The following N4BP1 variants were observed in gnomAD, a reference collection of about 807,000 sequenced individuals.
The protein encoded by N4BP1 is NEDD4 binding protein 1.
In N4BP1, 21 loss-of-function variants were observed where a neutral mutation model predicts 70.9. The ratio of observed to expected loss-of-function variants is 0.30; its 90% CI spans 0.21 to 0.43. The LOEUF is 0.43. Among genes scored for constraint, N4BP1 ranks in the 20% least tolerant of loss-of-function variants. The pLI is 1.00. For missense variants in N4BP1, 936 were observed against 1,069.4 expected (o/e 0.88, Z 1.74); for synonymous variants, 387 against 394.6 (o/e 0.98, Z 0.23).
Position 48,609,921 on chromosome 16 carries a change from C to G in N4BP1, c.52G>C (p.Glu18Gln), listed in dbSNP as rs1265334921. 1 of 1,438,710 alleles carries G rather than the reference C, an allele frequency of 7.0e-7. No individual in the cohort carries two copies. Among genetic ancestry groups the G allele is most frequent in the Non-Finnish European group, 9.2e-7 (1 of 1,092,046 alleles). 89.1% of individuals were successfully genotyped at this position (1,438,710 alleles called of 1,614,324 possible). A position where few individuals can be genotyped will look rare whatever the true frequency, so the allele number is the denominator to read the frequency against. ...DEFTAPAEKAELLEQSRGRIE... is the reference protein window; with the variant it reads ...DEFTAPAEKAQLLEQSRGRIE... The stretch of plus-strand genomic sequence containing the variant: ...CGGCCGCGGCTCTGCTCCAGCAGCT[C>G]CGCCTTCTCAGCTGGCGCAGTGAAC... The change falls in exon 1 of 7, where the codon GAG becomes CAG. Residue 18 changes from glutamate to glutamine, a missense_variant. By Grantham distance (29) the Glu-to-Gln change is conservative. Transcript: ENST00000262384.
chr16:48,576,053 A>T (rs1175629799), intron 1 of N4BP1, among the ~76,000 whole-genome samples: 2 of 151,586 alleles, frequency 1.3e-5, no homozygotes, highest in African/African-American at 4.8e-5. Flanking sequence ...TTTTTTTAGG[A>T]GACTCTTTCA....
chr16:48,562,506 T>C, intron 1 of N4BP1, 62 bp from the exon 2 acceptor site: 2 of 1,350,540 alleles, frequency 1.5e-6, no homozygotes, highest in Non-Finnish European at 2.0e-6. Context: ...ACATAATAAA[T>C]TACCATGTAA....
intron 1 of N4BP1, among the ~76,000 whole-genome samples, chr16:48,584,754 T>C (rs1240392213): frequency 6.6e-6 from 1 of 151,900 alleles, no homozygotes; most frequent in Non-Finnish European, 1.5e-5. Context: ...TCTTAAAAAA[T>C]AACAACAAAT....
chr16:48,609,334 GA>G (rs1451340273), intron 1 of N4BP1, among the ~76,000 whole-genome samples: 2 of 152,182 alleles, frequency 1.3e-5, no homozygotes, highest in African/African-American at 4.8e-5. Flanking sequence ...AAAAGGCTCA[GA>G]ACTGCAGTAG....
intron 1 of N4BP1, among the ~76,000 whole-genome samples, chr16:48,587,705 C>T (rs990857600): frequency 2.6e-5 from 4 of 152,174 alleles, no homozygotes; most frequent in Non-Finnish European, 4.4e-5. Context: ...CAGGCCATAT[C>T]TGGAATTACA....
intron 6 of N4BP1, among the ~76,000 whole-genome samples, chr16:48,544,429 T>C (rs1963561087): frequency 6.6e-6 from 1 of 152,188 alleles, no homozygotes; most frequent in Non-Finnish European, 1.5e-5. Context: ...GAGAGCTGTG[T>C]GTCTTCCTCT....
Position 48,542,802 on chromosome 16 carries a change from G to T in N4BP1, c.*102C>A. ...TTCTGTACAACTGCGTTTACACTGGGAAATAAGTTTCTTCACATTATGTTC... is the reference window on the plus strand; with the variant it reads ...TTCTGTACAACTGCGTTTACACTGGTAAATAAGTTTCTTCACATTATGTTC... On this transcript the variant is annotated 3_prime_UTR_variant, in exon 7 of 7. Transcript: ENST00000262384. The T allele has an allele frequency of 9.0e-7, 1 of 1,109,106 alleles. No homozygotes were observed. Among genetic ancestry groups the T allele is most frequent in the Non-Finnish European group, 1.3e-6 (1 of 798,210 alleles). 68.7% of individuals were successfully genotyped at this position (1,109,106 alleles called of 1,614,324 possible).
chr16:48,591,207 T>A (rs1964332130), intron 1 of N4BP1, among the ~76,000 whole-genome samples: 1 of 152,218 alleles, frequency 6.6e-6, no homozygotes, highest in African/African-American at 2.4e-5. Context: ...GCTTTTTGTC[T>A]TTTGACAGTG....
In N4BP1 at chr16:48,542,796, C is replaced by T. The variant is rs1963523605; in HGVS notation, c.*108G>A. On this transcript the variant is annotated 3_prime_UTR_variant, in exon 7 of 7. Coordinates refer to ENST00000262384, the MANE Select transcript of N4BP1 (RefSeq NM_153029.4). Reference sequence around the variant, plus strand: ...TTTTTTTTCTGTACAACTGCGTTTACACTGGGAAATAAGTTTCTTCACATT... The same window carrying T: ...TTTTTTTTCTGTACAACTGCGTTTATACTGGGAAATAAGTTTCTTCACATT... 1 of 1,056,392 alleles carries T rather than the reference C, an allele frequency of 9.5e-7. No individual in the cohort carries two copies. Among genetic ancestry groups the T allele is most frequent in the Non-Finnish European group, 1.3e-6 (1 of 752,276 alleles). The allele number at this position is 1,056,392 out of a possible 1,614,324, so 65.4% of individuals were successfully genotyped here. A position where few individuals can be genotyped will look rare whatever the true frequency, so the allele number is the denominator to read the frequency against.
chr16:48,579,780 T>C (rs2151095332), intron 1 of N4BP1, among the ~76,000 whole-genome samples: 1 of 151,990 alleles, frequency 6.6e-6, no homozygotes, highest in East Asian at 1.9e-4. Context: ...AGGTATTTCA[T>C]GTGAATGGAA....
chr16:48,607,867 T>G (rs1345259806), intron 1 of N4BP1, among the ~76,000 whole-genome samples: 1 of 152,126 alleles, frequency 6.6e-6, no homozygotes, highest in Non-Finnish European at 1.5e-5. Flanking sequence ...CTGATTTGTT[T>G]TGTTTTGTTT....
At chr16:48,601,576 T>C (rs1964499442) in intron 1 of N4BP1, among the ~76,000 whole-genome samples, 1 of 152,214 alleles carries the variant, frequency 6.6e-6, no homozygotes, top group African/African-American at 2.4e-5. Context: ...CACAAATGAC[T>C]TTCATACTTT....
intron 1 of N4BP1, among the ~76,000 whole-genome samples, chr16:48,590,809 T>C (rs1375954084): frequency 6.6e-6 from 1 of 152,188 alleles, no homozygotes; most frequent in Non-Finnish European, 1.5e-5. Flanking sequence ...GTGTGGTATG[T>C]GTCTGCAGCT....
intron 4 of N4BP1, among the ~76,000 whole-genome samples, chr16:48,548,676 G>A (rs925423035): frequency 1.3e-4 from 20 of 151,840 alleles, no homozygotes; most frequent in Non-Finnish European, 2.7e-4. Flanking sequence ...GTGAAACCCC[G>A]TCTCTACAAA....
chr16:48,597,243 A>G (rs55671623), intron 1 of N4BP1, among the ~76,000 whole-genome samples: 61,306 of 152,072 alleles, frequency 0.4, 13,325 homozygotes, highest in African/African-American at 0.56. Context: ...TTGTCTAGGC[A>G]GAGGACAAGG....
chr16:48,572,367 C>A (rs1429746904), intron 1 of N4BP1, among the ~76,000 whole-genome samples: 2 of 151,924 alleles, frequency 1.3e-5, no homozygotes, highest in African/African-American at 4.8e-5. Context: ...GGGAACAGGA[C>A]ATACAAAAGA....
At chr16:48,553,487 G>A (rs1963705132) in intron 3 of N4BP1, 52 bp downstream of exon 3, 3 of 1,488,162 alleles carry the variant, frequency 2.0e-6, no homozygotes, top group Admixed American at 2.5e-5. Context: ...GCAATTATAA[G>A]CCAACTCATT....
At position 48,609,783 on chromosome 16, in the gene N4BP1, T is replaced by C; in HGVS notation, c.190A>G (p.Ser64Gly). The C allele has an allele frequency of 6.9e-7, 1 of 1,452,786 alleles. No individual in the cohort carries two copies. 90.0% of individuals were successfully genotyped at this position (1,452,786 alleles called of 1,614,324 possible). A position where few individuals can be genotyped will look rare whatever the true frequency, so the allele number is the denominator to read the frequency against. ...GCGGCGGCCGGACTCACCTTGGCGCTGTGCACCGCCTCCTGCGCCCCGCAG... is the reference window on the plus strand; with the variant it reads ...GCGGCGGCCGGACTCACCTTGGCGCCGTGCACCGCCTCCTGCGCCCCGCAG... The part of the protein sequence containing the change: ...QLCGAQEAVH[S>G]AKEYIKGICE... Residue 64 changes from serine (S) to glycine (G), a missense_variant, in exon 1 of 7, where the codon AGC (serine) becomes GGC (glycine). Around this residue, in one of 4 missense-constraint regions of N4BP1, gnomAD observed 187 missense variants for 217.1 expected, o/e 0.86. Transcript: ENST00000262384.
intron 1 of N4BP1, among the ~76,000 whole-genome samples, chr16:48,581,733 G>A (rs182686570): frequency 6.6e-6 from 1 of 152,060 alleles, no homozygotes; most frequent in Admixed American, 6.5e-5. Context: ...AAATATATTG[G>A]GAAAAGTATA....
Sources: allele counts gnomAD v4.1 joint callset (sites outside exome capture counted in the v4.1 genomes callset), GRCh38; gene constraint gnomAD v4.1.1; regional missense constraint gnomAD v4.1.1; transcripts MANE v1.5; gene names NCBI Gene and HGNC (gene_info 2026-07-23, HGNC 2026-07-21).